The following NIPAL1 variants were observed in gnomAD, a reference collection of about 807,000 sequenced individuals.
The protein encoded by NIPAL1 is NIPA like domain containing 1, also known as magnesium transporter NIPA3.
Under a neutral mutation model 37.7 loss-of-function variants are expected in NIPAL1, and 35 were observed. The ratio of observed to expected loss-of-function variants is 0.93; its 90% CI spans 0.71 to 1.23. The LOEUF (loss-of-function observed/expected upper bound fraction) is 1.23, where lower values mean the gene tolerates loss of function less well. Among genes scored for constraint, NIPAL1 ranks in the 50% most tolerant of loss-of-function variants. NIPAL1 has a pLI of 0.00. For synonymous variants in NIPAL1, 162 were observed against 183.0 expected, an observed-to-expected ratio of 0.89 and a Z score of 0.93; for missense variants, 412 against 473.9, an observed-to-expected ratio of 0.87 and a Z score of 1.21.
rs1422112535 is a variant in NIPAL1 at position 48,039,471 on chromosome 4, A to G, written c.*3299A>G. On this transcript the variant is annotated 3_prime_UTR_variant, in exon 6 of 6. Transcript: ENST00000295461. ...ATTTTAATACTTTGTCATCATGTAC[A>G]TATCTTAAGATTTATTATGTGAATA... 1 of 152,230 alleles carries G rather than the reference A, an allele frequency of 6.6e-6. No homozygotes were observed. Among genetic ancestry groups the G allele is most frequent in the Non-Finnish European group, 1.5e-5 (1 of 68,040 alleles). The allele number at this position is 152,230 out of a possible 1,614,324, so 9.4% of individuals were successfully genotyped here.
intron 3 of NIPAL1, among the ~76,000 whole-genome samples, chr4:48,031,637 A>C (rs552481206): frequency 6.6e-6 from 1 of 152,342 alleles, no homozygotes; most frequent in Admixed American, 6.5e-5. Flanking sequence ...ATATATATAC[A>C]GTACTTTAAT....
chr4:48,029,418 C>A (rs1006191527), intron 2 of NIPAL1, among the ~76,000 whole-genome samples: 1 of 151,932 alleles, frequency 6.6e-6, no homozygotes. Context: ...ATTAGAGATT[C>A]CAAAAGGTGG....
intron 4 of NIPAL1, 51 bp from the exon 5 acceptor site, chr4:48,034,830 A>G: frequency 7.0e-7 from 1 of 1,432,688 alleles, no homozygotes; most frequent in South Asian, 1.2e-5. Flanking sequence ...CTGCCATGGG[A>G]TCAAAAGGTA....
In NIPAL1 at chr4:48,034,975, A is replaced by T. The variant is rs1715894735; in HGVS notation, c.556A>T (p.Ile186Phe). The change falls in exon 5 of 6, where the codon ATC becomes TTC. Residue 186 changes from isoleucine (I) to phenylalanine (F), a missense_variant. By Grantham distance (21) the Ile-to-Phe change is conservative. Coordinates refer to ENST00000295461, the MANE Select transcript of NIPAL1 (RefSeq NM_207330.3). ...LSILGSTVMV[I>F]HAPQEEEVTS... The stretch of plus-strand genomic sequence containing the variant: ...TATATTGGGGTCAACTGTGATGGTT[A>T]TCCATGCCCCACAAGAAGAGGAAGT... The T allele has an allele frequency of 1.2e-6, 2 of 1,613,478 alleles. No homozygotes were observed. The highest frequency in any genetic ancestry group is 1.3e-5 in the African/African-American group (1 of 74,944).
intron 1 of NIPAL1, 84 bp downstream of exon 1, chr4:48,016,969 T>C (rs1715429510): frequency 1.7e-6 from 2 of 1,151,358 alleles, no homozygotes; most frequent in African/African-American, 1.5e-5. Context: ...TTGCGGAGAC[T>C]GGAAAGGGGG....
intron 3 of NIPAL1, 55 bp downstream of exon 3, chr4:48,030,231 A>G (rs1249705032): frequency 3.8e-5 from 42 of 1,118,654 alleles, no homozygotes; most frequent in Non-Finnish European, 5.4e-5. Context: ...AATAGATTAC[A>G]TGAAATTTTT....
rs114446709 is a variant in NIPAL1, at chr4:48,037,561, A to G, written c.*1389A>G. The G allele has an allele frequency of 0.012, 1,829 of 158,818 alleles. 29 individuals carry two copies. Among genetic ancestry groups the G allele is most frequent in the African/African-American group, 0.042 (1,745 of 41,602 alleles). The allele number at this position is 158,818 out of a possible 1,614,324, so 9.8% of individuals were successfully genotyped here. A position where few individuals can be genotyped will look rare whatever the true frequency, so the allele number is the denominator to read the frequency against. The stretch of plus-strand genomic sequence containing the variant: ...GCAACTAGAAAAATCTTTGTGAAAA[A>G]TCTGAACAAATTATCATAATGGCTC... On this transcript the variant is annotated 3_prime_UTR_variant, in exon 6 of 6. Transcript: ENST00000295461.
At position 48,034,925 on chromosome 4, in the gene NIPAL1, A is replaced by G. The variant is rs773488833; in HGVS notation, c.506A>G (p.His169Arg). 1.1e-5 allele frequency: 18 copies of G among 1,613,232 alleles called. No homozygotes were observed. In the African/African-American group the frequency reaches 1.3e-4, roughly 12 times the overall value. Residue 169 changes from histidine (H) to arginine (R), a missense_variant, in exon 5 of 6, where the codon CAT becomes CGT. His to Arg is a conservative substitution (Grantham distance 29, BLOSUM62 0). Transcript: ENST00000295461. ...SYFLNEHLNI[H>R]GKIGCILSIL... ...TTTTTAAACGAGCACTTGAACATTCATGGGAAAATAGGCTGCATATTAAGT... is the reference window on the plus strand; with the variant it reads ...TTTTTAAACGAGCACTTGAACATTCGTGGGAAAATAGGCTGCATATTAAGT...
In NIPAL1 at chr4:48,035,005, T is replaced by C. The variant is rs749771320; in HGVS notation, c.586T>C (p.Ser196Pro). Residue 196 changes from serine (S) to proline (P), a missense_variant, in exon 5 of 6, where the codon TCT (serine) becomes CCT (proline). Coordinates refer to ENST00000295461, the MANE Select transcript of NIPAL1 (RefSeq NM_207330.3). ...IHAPQEEEVT[S>P]LHEMEMKLRD... ...TGCCCCACAAGAAGAGGAAGTCACA[T>C]CTTTGCATGAAATGGAAATGAAATT... is the stretch of plus-strand genomic sequence containing the variant. 2.5e-6 allele frequency: 4 copies of C among 1,614,064 alleles called. No individual in the cohort carries two copies. In the South Asian group the frequency reaches 4.4e-5, roughly 18 times the overall value.
In NIPAL1 at chr4:48,035,956, G is replaced by T. The variant is rs762471027; in HGVS notation, c.1017G>T (p.Gly339=). Residue 339 remains glycine (G), a synonymous_variant, in exon 6 of 6, where the codon GGG becomes GGT. Transcript: ENST00000295461. ...GCATGACAGCTGGAGATATCATTGG[G>T]ACCCTGAGTGGATTCTTCACTATTA... ...WYGMTAGDII[G]TLSGFFTIII... The T allele has an allele frequency of 3.7e-6, 6 of 1,613,666 alleles. No homozygotes were observed. In the African/African-American group the frequency reaches 5.3e-5, roughly 14 times the overall value.
At chr4:48,018,124 C>T (rs917634401) in intron 1 of NIPAL1, among the ~76,000 whole-genome samples, 7 of 152,044 alleles carry the variant, frequency 4.6e-5, no homozygotes, top group Admixed American at 2.0e-4. Context: ...AGAGCAATAA[C>T]GCCTGAACAA....
intron 1 of NIPAL1, among the ~76,000 whole-genome samples, chr4:48,021,239 G>A (rs1715561013): frequency 6.6e-6 from 1 of 152,126 alleles, no homozygotes; most frequent in African/African-American, 2.4e-5. Flanking sequence ...ACATTTATGA[G>A]GCACCAGTAT....
rs1318732805 is a variant in NIPAL1 at position 48,035,030 on chromosome 4, T to C, written c.611T>C (p.Leu204Ser). ...VTSLHEMEMK[L>S]RDPGFISFAV... is the part of the protein sequence containing the mutation. ...TCTTTGCATGAAATGGAAATGAAAT[T>C]GAGAGACCCAGGTCTGTGATTCAAC... Residue 204 changes from leucine to serine, a missense_variant, in exon 5 of 6, where the codon TTG becomes TCG. Leu to Ser is a moderately radical substitution (Grantham distance 145, BLOSUM62 -2). Transcript: ENST00000295461. 1 of 1,613,818 alleles carries C rather than the reference T, an allele frequency of 6.2e-7. No homozygotes were observed. The highest frequency in any genetic ancestry group is 1.7e-5 in the Admixed American group (1 of 60,002).
Position 48,029,675 on chromosome 4 carries a change from G to C in NIPAL1, c.314-445G>C, listed in dbSNP as rs62300322. Among the ~76,000 whole-genome samples the C allele has an allele frequency of 3.1e-3, 469 of 152,268 alleles. 4 individuals carry two copies. Among genetic ancestry groups the C allele is most frequent in the Non-Finnish European group, 5.7e-3 (385 of 68,004 alleles). ...AGATTGAAATGACATACCATTTTAA[G>C]ACTCAAATTTGCAAAGTTTTTAAAA... On this transcript the variant is annotated intron_variant, in intron 2 of 5. Transcript: ENST00000295461.
At position 48,016,962 on chromosome 4, in the gene NIPAL1, C is replaced by T. The variant is rs909115067; in HGVS notation, c.46+77C>T. 1.4e-5 allele frequency: 17 copies of T among 1,255,148 alleles called. No individual in the cohort carries two copies. The African/African-American group carries it at 2.4e-4, about 18-fold the overall frequency. The allele number at this position is 1,255,148 out of a possible 1,614,324, so 77.8% of individuals were successfully genotyped here. On this transcript the variant is annotated intron_variant, in intron 1 of 5. Coordinates refer to ENST00000295461, the MANE Select transcript of NIPAL1 (RefSeq NM_207330.3). The stretch of plus-strand genomic sequence containing the variant: ...CGGGTGGGCGGTCCCCGGACACTTG[C>T]GGAGACTGGAAAGGGGGGCTGTACC...
chr4:48,033,039 T>C lies in NIPAL1; in HGVS notation c.417T>C (p.Pro139=). ...ATTTTGCTGCTTATGCTTTTGCACC[T>C]GCCACCTTGGTCACCCCTCTGGGTG... The part of the protein sequence containing the change: ...AANFAAYAFA[P]ATLVTPLGAL... Residue 139 remains proline (P), a synonymous_variant, in exon 4 of 6, where the codon CCT becomes CCC. Coordinates refer to ENST00000295461, the MANE Select transcript of NIPAL1 (RefSeq NM_207330.3). 6.2e-7 allele frequency: 1 copy of C among 1,614,060 alleles called. No homozygotes were observed.
rs1715945713 is a variant in NIPAL1, at chr4:48,036,327, T to C, written c.*155T>C. On this transcript the variant is annotated 3_prime_UTR_variant, in exon 6 of 6. Transcript: ENST00000295461. ...GTAAAAATGCCATTTTTTTGGCCAT[T>C]GAATTTGAAAATCAAATTGATTATC... 7.9e-6 allele frequency: 5 copies of C among 636,132 alleles called. No individual in the cohort carries two copies. The highest frequency in any genetic ancestry group is 3.3e-5 in the Admixed American group (1 of 30,742). 39.4% of individuals were successfully genotyped at this position (636,132 alleles called of 1,614,324 possible).
chr4:48,025,310 GC>G lies in NIPAL1; in HGVS notation c.291del (p.Ser98AlafsTer15), dbSNP rs756093014. 3.7e-6 allele frequency: 6 copies of G among 1,613,986 alleles called. No homozygotes were observed. The highest frequency in any genetic ancestry group is 5.1e-6 in the Non-Finnish European group (6 of 1,180,020). On this transcript the variant is annotated frameshift_variant, in exon 2 of 6. Coordinates refer to ENST00000295461, the MANE Select transcript of NIPAL1 (RefSeq NM_207330.3). LOFTEE classifies it high-confidence loss of function. ...GAAAAAGAAGGGCCTCTTGCAACTG[GC>G]CAGCAAGGGCTTTACTAGAGCTGGT... ...ILKKKGLLQLASKGFTRAGQG... is the reference protein window; with the variant it reads ...ILKKKGLLQLXSKGFTRAGQG...
chr4:48,018,991 A>G (rs1400890024), intron 1 of NIPAL1, among the ~76,000 whole-genome samples: 1 of 152,216 alleles, frequency 6.6e-6, no homozygotes. Flanking sequence ...ACTTCCATGA[A>G]GAAAAAGTTA....
Sources: gnomAD v4.1 joint callset for allele counts (sites outside exome capture counted in the v4.1 genomes callset) on GRCh38, gnomAD v4.1.1 for gene constraint, MANE v1.5 for transcripts, NCBI Gene and HGNC (gene_info 2026-07-23, HGNC 2026-07-21) for gene names.